Variants in GIN1 observed in about 807,000 individuals in gnomAD.
The protein encoded by GIN1 is gypsy retrotransposon integrase-like protein 1.
GIN1 carries 41 observed loss-of-function variants against 51.4 expected under a neutral mutation model. That is an observed-to-expected ratio of 0.80 (90% CI 0.62 to 1.04). The LOEUF (loss-of-function observed/expected upper bound fraction) is 1.04, where lower values mean the gene tolerates loss of function less well. Among genes scored for constraint, GIN1 ranks in the 50% least tolerant of loss-of-function variants. The pLI is 0.00. For missense variants in GIN1, 610 were observed against 612.4 expected (o/e 1.00, Z 0.04); for synonymous variants, 222 against 206.5 (o/e 1.07, Z -0.64).
chr5:103,102,539 A>C (rs1787603488), intron 4 of GIN1: 1 of 152,216 alleles, frequency 6.6e-6, no homozygotes, highest in South Asian at 2.1e-4. Context: ...GGCAGTGTAC[A>C]ATATGATCCC....
chr5:103,111,484 C>G (rs1426469636), intron 1 of GIN1, among the ~76,000 whole-genome samples: 2 of 152,014 alleles, frequency 1.3e-5, no homozygotes, highest in African/African-American at 4.8e-5. Context: ...TGTAGGAAGA[C>G]GAGGTTTATA....
intron 4 of GIN1, among the ~76,000 whole-genome samples, 193 bp downstream of exon 4, chr5:103,104,348 A>G (rs1029247642): frequency 8.5e-5 from 13 of 152,234 alleles, no homozygotes; most frequent in Admixed American, 3.3e-4. Flanking sequence ...AATAACCCAC[A>G]GTAAGTATTA....
rs1490528854 is a variant in GIN1, at chr5:103,103,688, A to T, written c.639+853T>A. On this transcript the variant is annotated intron_variant, in intron 4 of 7. Coordinates refer to ENST00000399004, the MANE Select transcript of GIN1 (RefSeq NM_017676.2). Reference sequence around the variant, plus strand: ...TTTTAACTGGGAAAAGGCCAGAGCAAGGGAGAAAGTACCTTTCAATACTGA... The same window carrying T: ...TTTTAACTGGGAAAAGGCCAGAGCATGGGAGAAAGTACCTTTCAATACTGA... Among the ~76,000 whole-genome samples, 8 of 152,358 alleles carry T rather than the reference A, an allele frequency of 5.3e-5. No individual in the cohort carries two copies. The East Asian group carries it at 1.5e-3, about 29-fold the overall frequency.
At chr5:103,111,586 A>G (rs1489951003) in intron 1 of GIN1, among the ~76,000 whole-genome samples, 2 of 152,118 alleles carry the variant, frequency 1.3e-5, no homozygotes, top group Non-Finnish European at 2.9e-5. Context: ...AAAGGGGAGG[A>G]GCTTTTTCAG....
At chr5:103,103,227 A>C (rs34824) in intron 4 of GIN1, among the ~76,000 whole-genome samples, 38,934 of 152,086 alleles carry the variant, frequency 0.26, 5,539 homozygotes, top group East Asian at 0.45. Flanking sequence ...AGGCACTGAG[A>C]CTCTAGTGAG....
At chr5:103,105,608 G>A (rs1554196201) in intron 3 of GIN1, among the ~76,000 whole-genome samples, 1 of 152,128 alleles carries the variant, frequency 6.6e-6, no homozygotes, top group East Asian at 1.9e-4. Flanking sequence ...ATGCTGTCCT[G>A]CAGCTTTCAT....
chr5:103,092,429 GA>G (rs1191178841), intron 7 of GIN1, among the ~76,000 whole-genome samples: 13 of 149,934 alleles, frequency 8.7e-5, no homozygotes, highest in South Asian at 2.1e-4. Flanking sequence ...TCTTCAATCA[GA>G]AAAAAAAAGA....
At chr5:103,091,162 T>A (rs922492294) in intron 7 of GIN1, among the ~76,000 whole-genome samples, 1 of 152,220 alleles carries the variant, frequency 6.6e-6, no homozygotes, top group Non-Finnish European at 1.5e-5. Context: ...AAATGCTCTT[T>A]AATTTCAGTA....
In GIN1 at chr5:103,088,166, A is replaced by T. The variant is rs1173190971; in HGVS notation, c.1301T>A (p.Leu434His). ...CACTACTGAACCTTGCAAGAGATAAAGACTTTCTGAAAAAAGAAAAATCAT... is the reference window on the plus strand; with the variant it reads ...CACTACTGAACCTTGCAAGAGATAATGACTTTCTGAAAAAAGAAAAATCAT... ...YIRESSEQES[L>H]YLLQGSVVAD... is the part of the protein sequence containing the mutation. Residue 434 changes from leucine to histidine, a missense_variant, in exon 8 of 8, where the codon CTT (leucine) becomes CAT (histidine). Leu to His is a moderately conservative substitution (Grantham distance 99, BLOSUM62 -3). Coordinates refer to ENST00000399004, the MANE Select transcript of GIN1 (RefSeq NM_017676.2). 1.3e-6 allele frequency: 2 copies of T among 1,492,806 alleles called. No homozygotes were observed. The highest frequency in any genetic ancestry group is 1.8e-6 in the Non-Finnish European group (2 of 1,115,056). The allele number at this position is 1,492,806 out of a possible 1,614,324, so 92.5% of individuals were successfully genotyped here. A position where few individuals can be genotyped will look rare whatever the true frequency, so the allele number is the denominator to read the frequency against.
At position 103,097,770 on chromosome 5, in the gene GIN1, T is replaced by C. The variant is rs1273582674; in HGVS notation, c.651A>G (p.Glu217=). Residue 217 remains glutamate, a synonymous_variant, in exon 5 of 8, where the codon GAA becomes GAG. Coordinates refer to ENST00000399004, the MANE Select transcript of GIN1 (RefSeq NM_017676.2). ...RDEFIQQINI[E]LYRLFGIKQI... is the part of the protein sequence containing the mutation. The stretch of plus-strand genomic sequence containing the variant: ...GCTTTATGCCAAACAATCTGTACAG[T>C]TCAATATTGATCTGAAAAATATATA... 14 of 1,466,768 alleles carry C rather than the reference T, an allele frequency of 9.5e-6. No homozygotes were observed. Among genetic ancestry groups the C allele is most frequent in the Non-Finnish European group, 1.3e-5 (14 of 1,059,494 alleles). 90.9% of individuals were successfully genotyped at this position (1,466,768 alleles called of 1,614,324 possible).
chr5:103,104,653 G>A lies in GIN1; in HGVS notation c.527C>T (p.Pro176Leu). The change falls in exon 4 of 8, where the codon CCT (proline) becomes CTT (leucine). Residue 176 changes from proline (P) to leucine (L), a missense_variant. Coordinates refer to ENST00000399004, the MANE Select transcript of GIN1 (RefSeq NM_017676.2). ...TTCTGATGCTGAAACATCACATAGA[G>A]GCAAAATCACAATCCATTTGGTGAA... ...DLFTKWIVIL[P>L]LCDVSASEVS... 2 of 1,608,602 alleles carry A rather than the reference G, an allele frequency of 1.2e-6. No individual in the cohort carries two copies. The highest frequency in any genetic ancestry group is 1.7e-6 in the Non-Finnish European group (2 of 1,175,120).
intron 4 of GIN1, among the ~76,000 whole-genome samples, chr5:103,101,478 G>A (rs920018807): frequency 2.0e-5 from 3 of 152,222 alleles, no homozygotes; most frequent in South Asian, 2.1e-4. Context: ...GGGGACTATT[G>A]TAGTTAATAT....
At chr5:103,088,355 T>C (rs1787139168) in intron 7 of GIN1, among the ~76,000 whole-genome samples, 183 bp from the exon 8 acceptor site, 2 of 152,222 alleles carry the variant, frequency 1.3e-5, no homozygotes, top group African/African-American at 4.8e-5. Flanking sequence ...GACATATAAA[T>C]TTGACAGTTC....
At chr5:103,098,469 AT>A (rs564547328) in intron 4 of GIN1, among the ~76,000 whole-genome samples, 1 of 151,956 alleles carries the variant, frequency 6.6e-6, no homozygotes, top group Non-Finnish European at 1.5e-5. Context: ...TTTGAGTTTA[AT>A]TTTTTTCTTT....
chr5:103,110,608 A>T (rs1284031817), intron 1 of GIN1, among the ~76,000 whole-genome samples: 1 of 152,192 alleles, frequency 6.6e-6, no homozygotes, highest in Non-Finnish European at 1.5e-5. Context: ...TGGTGAAGAC[A>T]GGCAGCAACT....
At chr5:103,097,037 T>C (rs1306375832) in intron 6 of GIN1, among the ~76,000 whole-genome samples, 1 of 151,048 alleles carries the variant, frequency 6.6e-6, no homozygotes, top group Non-Finnish European at 1.5e-5. Context: ...TTAAGTAATT[T>C]GCCGAAGTCA....
chr5:103,098,469 A>AT (rs564547328), intron 4 of GIN1, among the ~76,000 whole-genome samples: 3 of 151,956 alleles, frequency 2.0e-5, no homozygotes, highest in African/African-American at 7.3e-5. Flanking sequence ...TTTGAGTTTA[A>AT]TTTTTTTCTT....
intron 1 of GIN1, among the ~76,000 whole-genome samples, chr5:103,115,009 A>T (rs1554197228): frequency 1.3e-5 from 2 of 152,164 alleles, no homozygotes; most frequent in Admixed American, 6.5e-5. Context: ...GAATGAATGG[A>T]AATTCAGAAA....
In GIN1 at chr5:103,088,106, G is replaced by A. The variant is rs200335348; in HGVS notation, c.1361C>T (p.Pro454Leu). Residue 454 changes from proline to leucine, a missense_variant, in exon 8 of 8, where the codon CCG (proline) becomes CTG (leucine). By Grantham distance (98) the Pro-to-Leu change is moderately conservative. Transcript: ENST00000399004. ...DHDYIGLPEI[P>L]IGAYQANILV... ...AATATTTGCTTGATATGCTCCAATC[G>A]GAATTTCAGGCAATCCAATGTAGTC... The A allele has an allele frequency of 1.1e-4, 176 of 1,607,476 alleles. 1 individual carries two copies. Among genetic ancestry groups the A allele is most frequent in the Middle Eastern group, 8.3e-4 (5 of 6,042 alleles).
Sources: allele counts gnomAD v4.1 joint callset (sites outside exome capture counted in the v4.1 genomes callset), GRCh38; gene constraint gnomAD v4.1.1; transcripts MANE v1.5; gene names NCBI Gene and HGNC (gene_info 2026-07-23, HGNC 2026-07-21).